CYP4F22: variants seen among roughly 807,000 people sequenced by gnomAD.
CYP4F22 encodes the protein cytochrome P450 family 4 subfamily F member 22, also known as ultra-long-chain fatty acid omega-hydroxylase.
CYP4F22 carries 37 observed loss-of-function variants against 60.4 expected under a neutral mutation model. The ratio of observed to expected loss-of-function variants is 0.61; its 90% CI spans 0.47 to 0.81. The LOEUF (loss-of-function observed/expected upper bound fraction) is 0.81, where lower values mean the gene tolerates loss of function less well. Ranked by LOEUF, CYP4F22 falls within the 30% of genes least tolerant of loss-of-function variation. The probability of loss-of-function intolerance (pLI) is 0.00; values close to 1 mark genes in which losing one functional copy is unlikely to be tolerated. For synonymous variants in CYP4F22, 258 were observed against 280.5 expected, an observed-to-expected ratio of 0.92 and a Z score of 0.80; for missense variants, 655 against 715.0, an observed-to-expected ratio of 0.92 and a Z score of 0.96.
chr19:15,535,998 G>C (rs965858623), intron 4 of CYP4F22, among the ~76,000 whole-genome samples: 1 of 152,152 alleles, frequency 6.6e-6, no homozygotes, highest in African/African-American at 2.4e-5. Context: ...CTGGTGGAAA[G>C]TCTCAGAGAA....
At chr19:15,523,233 G>A (rs1210138470) in intron 1 of CYP4F22, among the ~76,000 whole-genome samples, 4 of 151,998 alleles carry the variant, frequency 2.6e-5, no homozygotes, top group Non-Finnish European at 4.4e-5. Context: ...GGTGGCAGGT[G>A]CCTGTAACCC....
chr19:15,513,510 G>C (rs1346504711), intron 1 of CYP4F22, among the ~76,000 whole-genome samples: 1 of 151,618 alleles, frequency 6.6e-6, no homozygotes, highest in African/African-American at 2.4e-5. Context: ...GACTACAGGC[G>C]CCCGCCACCT....
chr19:15,518,445 C>G (rs1195446187), intron 1 of CYP4F22, among the ~76,000 whole-genome samples: 1 of 149,626 alleles, frequency 6.7e-6, no homozygotes, highest in African/African-American at 2.5e-5. Context: ...TCGAGACCAT[C>G]CTGGCTAACA....
chr19:15,540,585 C>T lies in CYP4F22; in HGVS notation c.807C>T (p.Asp269=). Residue 269 remains aspartate, a synonymous_variant, in exon 8 of 14, where the codon GAC becomes GAT. Transcript: ENST00000269703. The part of the protein sequence containing the change: ...ADGRRFRQAC[D]MVHHFTTEVI... Reference sequence around the variant, plus strand: ...GGCGGAGGTTCCGGCAGGCCTGTGACATGGTGCACCACTTCACCACTGAAG... The same window carrying T: ...GGCGGAGGTTCCGGCAGGCCTGTGATATGGTGCACCACTTCACCACTGAAG... 2 of 1,614,240 alleles carry T rather than the reference C, an allele frequency of 1.2e-6. No homozygotes were observed. The highest frequency in any genetic ancestry group is 8.5e-7 in the Non-Finnish European group (1 of 1,180,044).
At chr19:15,534,788 G>A (rs572206670) in intron 4 of CYP4F22, among the ~76,000 whole-genome samples, 2 of 152,268 alleles carry the variant, frequency 1.3e-5, no homozygotes, top group East Asian at 3.9e-4. Flanking sequence ...GTGAAGCTGG[G>A]CCCCGAAGGA....
chr19:15,543,067 C>T (rs1333770623), intron 8 of CYP4F22, among the ~76,000 whole-genome samples: 1 of 152,118 alleles, frequency 6.6e-6, no homozygotes, highest in Admixed American at 6.6e-5. Flanking sequence ...TGGTTGTATA[C>T]CCGGTAATGG....
chr19:15,516,055 G>C (rs1387929412), intron 1 of CYP4F22: 1 of 152,124 alleles, frequency 6.6e-6, no homozygotes, highest in Non-Finnish European at 1.5e-5. Context: ...AAAAGAAAAA[G>C]AAAAAGATGT....
intron 8 of CYP4F22, among the ~76,000 whole-genome samples, chr19:15,541,351 C>CT (rs2144534350): frequency 6.6e-6 from 1 of 152,316 alleles, no homozygotes; most frequent in South Asian, 2.1e-4. Flanking sequence ...TTGCAGAAGG[C>CT]TGTCTTCTCC....
At chr19:15,522,147 GAAA>G (rs5827288) in intron 1 of CYP4F22, among the ~76,000 whole-genome samples, 127 of 82,880 alleles carry the variant, frequency 1.5e-3, no homozygotes, top group African/African-American at 5.7e-3. Context: ...CTTTGTCTCA[GAAA>G]AAAAAAAAAA....
intron 1 of CYP4F22, among the ~76,000 whole-genome samples, chr19:15,512,154 T>TCAA (rs1971099713): frequency 6.6e-6 from 1 of 152,156 alleles, no homozygotes; most frequent in Non-Finnish European, 1.5e-5. Flanking sequence ...CTCATTTCAC[T>TCAA]GAGCCGTCCC....
At chr19:15,537,473 GGGT>G in intron 5 of CYP4F22, 59 bp downstream of exon 5, 2 of 1,614,108 alleles carry the variant, frequency 1.2e-6, no homozygotes, top group Non-Finnish European at 1.7e-6. Context: ...GAAGAGCATG[GGGT>G]TCCTTGGAAG....
At position 15,519,211 on chromosome 19, in the gene CYP4F22, A is replaced by G. The variant is rs142498721; in HGVS notation, c.-108-4482A>G. Among the ~76,000 whole-genome samples the G allele has an allele frequency of 7.3e-3, 1,109 of 152,124 alleles. 20 individuals are homozygous for G. The highest frequency in any genetic ancestry group is 0.024 in the African/African-American group (1,000 of 41,494). On this transcript the variant is annotated intron_variant, in intron 1 of 13. Coordinates refer to ENST00000269703, the MANE Select transcript of CYP4F22 (RefSeq NM_173483.4). ...GACAACGTGGCTCTTAGAAGCCCCAACATTTACAAACCGGGTGAAGAAAGA... is the reference window on the plus strand; with the variant it reads ...GACAACGTGGCTCTTAGAAGCCCCAGCATTTACAAACCGGGTGAAGAAAGA...
chr19:15,530,226 C>A (rs1971327977), intron 4 of CYP4F22, among the ~76,000 whole-genome samples: 1 of 152,206 alleles, frequency 6.6e-6, no homozygotes, highest in South Asian at 2.1e-4. Context: ...ACTCAGCCTG[C>A]AGCCTGCTGT....
At chr19:15,538,714 T>A (rs1180314600) in intron 7 of CYP4F22, among the ~76,000 whole-genome samples, 1 of 152,194 alleles carries the variant, frequency 6.6e-6, no homozygotes, top group Non-Finnish European at 1.5e-5. Context: ...CTAGGCATTA[T>A]AGGGGCACGT....
At chr19:15,510,966 A>ATATATATATATATATATTTT (rs34055543) in intron 1 of CYP4F22, among the ~76,000 whole-genome samples, 1 of 103,334 alleles carries the variant, frequency 9.7e-6, no homozygotes, top group Non-Finnish European at 1.8e-5. Flanking sequence ...ATATATATAT[A>ATATATATATATATATATTTT]TTTTTTTTTT....
At chr19:15,514,476 A>G (rs1971131222) in intron 1 of CYP4F22, among the ~76,000 whole-genome samples, 1 of 152,172 alleles carries the variant, frequency 6.6e-6, no homozygotes, top group Non-Finnish European at 1.5e-5. Context: ...TCACGAGGTC[A>G]GGAGTTCAAG....
At chr19:15,549,061 G>A in intron 11 of CYP4F22, 77 bp from the exon 12 acceptor site, 1 of 1,535,340 alleles carries the variant, frequency 6.5e-7, no homozygotes, top group Non-Finnish European at 9.0e-7. Flanking sequence ...ATGGCTCTAG[G>A]GAGACCCAAG....
At chr19:15,535,013 C>A (rs1178027385) in intron 4 of CYP4F22, among the ~76,000 whole-genome samples, 2 of 152,076 alleles carry the variant, frequency 1.3e-5, no homozygotes, top group African/African-American at 4.8e-5. Context: ...GATAGGGAGC[C>A]ACGGGAAGTA....
intron 10 of CYP4F22, among the ~76,000 whole-genome samples, chr19:15,546,736 CTTTTTTCT>C (rs917680282): frequency 6.6e-6 from 1 of 151,992 alleles, no homozygotes; most frequent in African/African-American, 2.4e-5. Flanking sequence ...TCTTTTCTTT[CTTTTTTCT>C]TTTTTTCTTT....
Sources: gnomAD v4.1 joint callset for allele counts (sites outside exome capture counted in the v4.1 genomes callset) on GRCh38, gnomAD v4.1.1 for gene constraint, MANE v1.5 for transcripts, NCBI Gene and HGNC (gene_info 2026-07-23, HGNC 2026-07-21) for gene names.